Variants in NHS observed in about 807,000 individuals in gnomAD.
The protein encoded by NHS is actin remodeling regulator NHS.
Under a neutral mutation model 72.5 loss-of-function variants are expected in NHS, and 5 were observed. That is an observed-to-expected ratio of 0.07 (90% confidence interval 0.04 to 0.14). NHS has a LOEUF of 0.14. Among genes scored for constraint, NHS ranks in the 10% least tolerant of loss-of-function variants. NHS has a pLI of 1.00. For missense variants in NHS, 1,072 were observed against 1,355.7 expected (o/e 0.79, Z 3.29); for synonymous variants, 464 against 547.7 (o/e 0.85, Z 2.13).
intron 1 of NHS, among the ~76,000 whole-genome samples, chrX:17,512,703 T>C (rs767832485): frequency 1.8e-5 from 2 of 112,948 alleles, no homozygotes; most frequent in African/African-American, 6.4e-5. Flanking sequence ...TCAGTCACAC[T>C]GGAACAAATT....
rs370811549 is a variant in NHS at position 17,727,514 on chromosome X, G to A, written c.3408G>A (p.Thr1136=). The A allele has an allele frequency of 4.4e-5, 53 of 1,209,748 alleles. No homozygotes were observed. The highest frequency in any genetic ancestry group is 1.2e-4 in the African/African-American group (7 of 57,042). ...CACCGTCCCTTGCAATTACACCAAC[G>A]ATCCTGAAATCTGTTAACCTTAGGT... ...NPPPSLAITP[T]ILKSVNLRSI... is the part of the protein sequence containing the mutation. The change falls in exon 7 of 9, where the codon ACG becomes ACA. Residue 1136 remains threonine, a synonymous_variant. Transcript: ENST00000676302.
intron 1 of NHS, among the ~76,000 whole-genome samples, chrX:17,508,077 T>C (rs951700415): frequency 9.0e-6 from 1 of 111,621 alleles, no homozygotes; most frequent in Non-Finnish European, 1.9e-5. Flanking sequence ...AATTAACCAT[T>C]CTGGAAGTGA....
chrX:17,682,529 C>T (rs2066136260), intron 1 of NHS, among the ~76,000 whole-genome samples: 1 of 111,408 alleles, frequency 9.0e-6, no homozygotes, highest in South Asian at 3.8e-4. Context: ...TCTGCAGGCA[C>T]TCTGAGAACG....
intron 1 of NHS, among the ~76,000 whole-genome samples, chrX:17,390,061 G>A (rs2064435925): frequency 1.8e-5 from 2 of 112,317 alleles, no homozygotes; most frequent in African/African-American, 6.5e-5. Context: ...CTGGATGGAG[G>A]ACAAAATTGC....
intron 1 of NHS, among the ~76,000 whole-genome samples, chrX:17,466,423 A>G (rs2064870923): frequency 8.9e-6 from 1 of 112,686 alleles, no homozygotes; most frequent in Non-Finnish European, 1.9e-5. Context: ...TTGAATAATG[A>G]TGTTGAATTA....
At chrX:17,591,848 T>G (rs1601790981) in intron 1 of NHS, among the ~76,000 whole-genome samples, 2 of 111,923 alleles carry the variant, frequency 1.8e-5, no homozygotes, top group East Asian at 5.6e-4. Context: ...TTGAGAATAT[T>G]GTCCAGCAGG....
intron 1 of NHS, among the ~76,000 whole-genome samples, chrX:17,421,190 T>C (rs1420151505): frequency 9.2e-6 from 1 of 109,199 alleles, no homozygotes; most frequent in African/African-American, 3.3e-5. Flanking sequence ...ATTCCTGTTA[T>C]GAGCTGCCCA....
chrX:17,671,047 G>A (rs189719115), intron 1 of NHS, among the ~76,000 whole-genome samples: 16 of 111,558 alleles, frequency 1.4e-4, no homozygotes, highest in Admixed American at 4.7e-4. Context: ...AGAGGGTGCT[G>A]GGAAGGCATC....
rs1409293721 is a variant in NHS, at chrX:17,669,505, A to C, written c.566-18237A>C. On this transcript the variant is annotated intron_variant, in intron 1 of 8. Transcript: ENST00000676302. ...AGATTTCATCTTTGCCATGGCCATA[A>C]CAGCTATTATTTTTTGACCTATATA... Among the ~76,000 whole-genome samples, 16 of 112,085 alleles carry C rather than the reference A, an allele frequency of 1.4e-4. No homozygotes were observed. The Admixed American group carries it at 1.5e-3, about 11-fold the overall frequency.
At chrX:17,437,942 G>A (rs1439568230) in intron 1 of NHS, among the ~76,000 whole-genome samples, 1 of 111,973 alleles carries the variant, frequency 8.9e-6, no homozygotes, top group African/African-American at 3.3e-5. Context: ...GAGCAAACGA[G>A]CGAGCTAGTG....
chrX:17,472,442 C>A (rs982433942), intron 1 of NHS, among the ~76,000 whole-genome samples: 1 of 111,190 alleles, frequency 9.0e-6, no homozygotes, highest in African/African-American at 3.3e-5. Context: ...TTACCCCAAC[C>A]CCATTCTTCA....
intron 8 of NHS, 97 bp downstream of exon 8, chrX:17,728,872 T>A: frequency 9.5e-7 from 1 of 1,051,670 alleles, no homozygotes; most frequent in East Asian, 3.1e-5. Context: ...GAAAGCTTTT[T>A]GTAATTGTAA....
chrX:17,481,458 A>G (rs1462850918), intron 1 of NHS, among the ~76,000 whole-genome samples: 2 of 111,580 alleles, frequency 1.8e-5, no homozygotes, highest in Non-Finnish European at 3.8e-5. Flanking sequence ...GGCAGCCACA[A>G]ATTAATTTCT....
chrX:17,388,510 G>A (rs1188252079), intron 1 of NHS, among the ~76,000 whole-genome samples: 1 of 110,594 alleles, frequency 9.0e-6, no homozygotes, highest in Non-Finnish European at 1.9e-5. Flanking sequence ...GAGAGAAACA[G>A]AGCTAGTGCA....
rs1556010055 is a variant in NHS, at chrX:17,568,647, G to GTTGTTATTA, written c.566-119093_566-119092insGTTATTATT. Among the ~76,000 whole-genome samples, 44 of 92,120 alleles carry GTTGTTATTA rather than the reference G, an allele frequency of 4.8e-4. No individual in the cohort carries two copies. The East Asian group carries it at 9.3e-3, about 19-fold the overall frequency. 80.0% of individuals were successfully genotyped at this position (92,120 alleles called of 115,157 possible). ...ATAGATCAGTATTCCAGGTTACTTAGTTATTATTATTATTATTATTATTAT... is the reference window on the plus strand; with the variant it reads ...ATAGATCAGTATTCCAGGTTACTTAGTTGTTATTATTATTATTATTATTATTATTATTAT... On this transcript the variant is annotated intron_variant, in intron 1 of 8. Coordinates refer to ENST00000676302, the MANE Select transcript of NHS (RefSeq NM_001291867.2).
chrX:17,639,374 G>A (rs761511467), intron 1 of NHS, among the ~76,000 whole-genome samples: 2 of 111,561 alleles, frequency 1.8e-5, no homozygotes, highest in Non-Finnish European at 3.8e-5. Context: ...CACAGACTGG[G>A]TAATTTATAA....
chrX:17,588,727 A>G (rs1423113443), intron 1 of NHS, among the ~76,000 whole-genome samples: 7 of 111,704 alleles, frequency 6.3e-5, no homozygotes, highest in African/African-American at 9.8e-5. Context: ...AATGATCTCC[A>G]TTGTTCTTTC....
intron 1 of NHS, among the ~76,000 whole-genome samples, chrX:17,440,285 A>G (rs919330702): frequency 3.1e-4 from 33 of 107,025 alleles, no homozygotes; most frequent in Non-Finnish European, 4.8e-4. Context: ...AAAAAAAAAA[A>G]GGAAACCAGT....
intron 1 of NHS, among the ~76,000 whole-genome samples, chrX:17,413,529 C>G (rs752776305): frequency 7.1e-5 from 8 of 112,166 alleles, no homozygotes; most frequent in African/African-American, 2.3e-4. Context: ...ATTGATTAAT[C>G]GTTTCAGAAC....
Sources: gnomAD v4.1 joint callset for allele counts (sites outside exome capture counted in the v4.1 genomes callset) on GRCh38, gnomAD v4.1.1 for gene constraint, MANE v1.5 for transcripts, NCBI Gene and HGNC (gene_info 2026-07-23, HGNC 2026-07-21) for gene names.